The following SLCO5A1 variants were observed in gnomAD, a reference collection of about 807,000 sequenced individuals.
SLCO5A1 encodes solute carrier organic anion transporter family member 5A1.
In SLCO5A1, 39 loss-of-function variants were observed where a neutral mutation model predicts 65.1. The observed-to-expected ratio is 0.60, with a 90% CI of 0.46 to 0.78. SLCO5A1 has a LOEUF of 0.78. SLCO5A1 is among the 30% of genes least tolerant of loss of function. The pLI is 0.00. For synonymous variants in SLCO5A1, 438 were observed against 415.7 expected (o/e 1.05, Z -0.65); for missense variants, 1,029 against 1,069.4 (o/e 0.96, Z 0.53).
intron 5 of SLCO5A1, among the ~76,000 whole-genome samples, chr8:69,720,334 G>T (rs1420949734): frequency 6.6e-6 from 1 of 152,210 alleles, no homozygotes; most frequent in African/African-American, 2.4e-5. Context: ...TTCTTTAATG[G>T]CGTGATGGTT....
At chr8:69,741,527 A>C (rs544777813) in intron 4 of SLCO5A1, among the ~76,000 whole-genome samples, 5 of 152,330 alleles carry the variant, frequency 3.3e-5, no homozygotes, top group Admixed American at 1.3e-4. Flanking sequence ...ATAGCCTCAA[A>C]ATATTTCCCC....
chr8:69,719,597 C>G (rs1444125673), intron 5 of SLCO5A1: 1 of 152,134 alleles, frequency 6.6e-6, no homozygotes, highest in African/African-American at 2.4e-5. Context: ...AGTAGCCCCC[C>G]CGAAGTTAAA....
At chr8:69,810,010 G>A (rs1234189042) in intron 2 of SLCO5A1, among the ~76,000 whole-genome samples, 2 of 152,198 alleles carry the variant, frequency 1.3e-5, no homozygotes, top group Admixed American at 6.5e-5. Flanking sequence ...TCCAGCTACA[G>A]AGGCAAGATA....
chr8:69,692,353 T>A (rs548379928), intron 6 of SLCO5A1, among the ~76,000 whole-genome samples: 4 of 152,100 alleles, frequency 2.6e-5, no homozygotes, highest in Non-Finnish European at 4.4e-5. Context: ...AGTGAATGAG[T>A]GAGTGAGTGG....
At chr8:69,774,358 CCT>C (rs1399012193) in intron 2 of SLCO5A1, among the ~76,000 whole-genome samples, 3 of 152,138 alleles carry the variant, frequency 2.0e-5, no homozygotes, top group African/African-American at 7.2e-5. Flanking sequence ...GTCACAGATC[CCT>C]GACTCTTACC....
intron 2 of SLCO5A1, among the ~76,000 whole-genome samples, chr8:69,795,054 C>G (rs751905869): frequency 2.0e-5 from 3 of 152,154 alleles, no homozygotes; most frequent in Non-Finnish European, 4.4e-5. Context: ...CCCTGTGATC[C>G]AATTACTTCC....
chr8:69,789,204 A>G (rs1819163631), intron 2 of SLCO5A1, among the ~76,000 whole-genome samples: 1 of 152,194 alleles, frequency 6.6e-6, no homozygotes, highest in African/African-American at 2.4e-5. Flanking sequence ...CCTTCAGCCA[A>G]TCTACCAAAG....
At chr8:69,803,322 C>A (rs1384742634) in intron 2 of SLCO5A1, among the ~76,000 whole-genome samples, 1 of 152,150 alleles carries the variant, frequency 6.6e-6, no homozygotes, top group Non-Finnish European at 1.5e-5. Context: ...GAGGCTGAGG[C>A]AGGAGAATCA....
intron 4 of SLCO5A1, among the ~76,000 whole-genome samples, chr8:69,751,809 A>T (rs1817315269): frequency 6.6e-6 from 1 of 152,104 alleles, no homozygotes; most frequent in South Asian, 2.1e-4. Flanking sequence ...GGCCTCCTAA[A>T]GTTCTGGGAT....
At chr8:69,732,692 C>G (rs1476480466) in intron 5 of SLCO5A1, among the ~76,000 whole-genome samples, 2 of 151,986 alleles carry the variant, frequency 1.3e-5, no homozygotes, top group Admixed American at 6.6e-5. Context: ...AGATTGAGAC[C>G]AGCCTGGCCA....
chr8:69,754,602 T>C (rs1817464406), intron 4 of SLCO5A1, among the ~76,000 whole-genome samples: 2 of 152,148 alleles, frequency 1.3e-5, no homozygotes, highest in South Asian at 4.1e-4. Context: ...GAAACAAAAC[T>C]AAAACTAATG....
chr8:69,690,553 G>C (rs1814215200), intron 6 of SLCO5A1, among the ~76,000 whole-genome samples: 1 of 152,236 alleles, frequency 6.6e-6, no homozygotes, highest in African/African-American at 2.4e-5. Context: ...ACTATCTAAA[G>C]ACACCATGTT....
At chr8:69,721,607 G>C (rs979490923) in intron 5 of SLCO5A1, among the ~76,000 whole-genome samples, 1 of 152,112 alleles carries the variant, frequency 6.6e-6, no homozygotes, top group Non-Finnish European at 1.5e-5. Flanking sequence ...TTCTTTGTGA[G>C]ATCTTTTCAG....
intron 6 of SLCO5A1, among the ~76,000 whole-genome samples, chr8:69,690,591 A>G (rs1453343217): frequency 1.3e-5 from 2 of 152,240 alleles, no homozygotes; most frequent in African/African-American, 4.8e-5. Flanking sequence ...AGTGTGGTGA[A>G]GAGGAAGCTG....
chr8:69,755,359 G>A (rs947846669), intron 4 of SLCO5A1, 65 bp downstream of exon 4: 4 of 1,372,028 alleles, frequency 2.9e-6, no homozygotes, highest in Non-Finnish European at 3.1e-6. Context: ...ATGGGCCTGG[G>A]ACCACACTAT....
At chr8:69,694,512 T>G (rs1159826750) in intron 6 of SLCO5A1, among the ~76,000 whole-genome samples, 1 of 152,192 alleles carries the variant, frequency 6.6e-6, no homozygotes, top group Non-Finnish European at 1.5e-5. Context: ...CAGTTTTTAC[T>G]AGGCAGGCCA....
chr8:69,698,512 G>A (rs771419138), intron 6 of SLCO5A1, among the ~76,000 whole-genome samples: 19 of 152,184 alleles, frequency 1.2e-4, no homozygotes, highest in Non-Finnish European at 2.5e-4. Flanking sequence ...AACCTTGACA[G>A]CATCTGTTAT....
In SLCO5A1 at chr8:69,673,323, T is replaced by C; in HGVS notation, c.2093A>G (p.Tyr698Cys). ...TCCAAAGTAGATTGGAGTAGGAATG[T>C]ATGCTAGAGGGGTGGAGAAGAAGAA... ...MQFVLLRTLA[Y>C]IPTPIYFGAV... Residue 698 changes from tyrosine (Y) to cysteine (C), a missense_variant, in exon 10 of 10, where the codon TAC becomes TGC. By Grantham distance (194) the Tyr-to-Cys change is radical. Transcript: ENST00000260126. 6.2e-7 allele frequency: 1 copy of C among 1,611,868 alleles called. No individual in the cohort carries two copies. Among genetic ancestry groups the C allele is most frequent in the Non-Finnish European group, 8.5e-7 (1 of 1,178,256 alleles).
In SLCO5A1 at chr8:69,832,022, T is replaced by C. The variant is rs753015721; in HGVS notation, c.652A>G (p.Ile218Val). 1.2e-6 allele frequency: 2 copies of C among 1,604,474 alleles called. No individual in the cohort carries two copies. The highest frequency in any genetic ancestry group is 2.2e-5 in the East Asian group (1 of 44,738). ...TCTTGGATCTGGTAGGGGGGCGAGA[T>C]GAAGTGAGGTAAGGCGAAGAGGGCT... ...GAALFALPHF[I>V]SPPYQIQELN... The change falls in exon 2 of 10, where the codon ATC becomes GTC. Residue 218 changes from isoleucine (I) to valine (V), a missense_variant. Coordinates refer to ENST00000260126, the MANE Select transcript of SLCO5A1 (RefSeq NM_030958.3). The surrounding 1 kb of genome is among the most constrained non-coding windows in gnomAD (Gnocchi z 4.5).
Sources: allele counts gnomAD v4.1 joint callset (sites outside exome capture counted in the v4.1 genomes callset), GRCh38; gene constraint gnomAD v4.1.1; non-coding constraint Gnocchi (gnomAD v3.1); transcripts MANE v1.5; gene names NCBI Gene and HGNC (gene_info 2026-07-23, HGNC 2026-07-21).